ADGRV1: variants seen among roughly 807,000 people sequenced by gnomAD.
ADGRV1 encodes the protein G-protein coupled receptor 98.
Under a neutral mutation model 596.2 loss-of-function variants are expected in ADGRV1, and 359 were observed. The observed-to-expected ratio is 0.60, with a 90% CI of 0.55 to 0.66. The LOEUF (loss-of-function observed/expected upper bound fraction) is 0.66. ADGRV1 is among the 30% of genes least tolerant of loss of function. ADGRV1 has a pLI of 0.00. For missense variants in ADGRV1, 7,274 were observed against 7,575.6 expected (o/e 0.96, Z 1.48); for synonymous variants, 2,681 against 2,679.2 (o/e 1.00, Z -0.02).
At position 90,650,625 on chromosome 5, in the gene ADGRV1, G is replaced by A. The variant is rs935043798; in HGVS notation, c.3290-979G>A. 5.3e-5 allele frequency among the ~76,000 whole-genome samples: 8 copies of A among 152,212 alleles called. No individual in the cohort carries two copies. The South Asian group carries it at 6.2e-4, about 12-fold the overall frequency. ...CAGTTCAGCAATAAATAAATTCTGC[G>A]CACCGGTTACTGAGCATCTATTTTT... is the stretch of plus-strand genomic sequence containing the variant. On this transcript the variant is annotated intron_variant, in intron 17 of 89. Transcript: ENST00000405460.
intron 83 of ADGRV1, among the ~76,000 whole-genome samples, chr5:90,888,162 A>G (rs973868203): frequency 6.6e-6 from 1 of 152,182 alleles, no homozygotes; most frequent in African/African-American, 2.4e-5. Flanking sequence ...TGTGTATGAG[A>G]TCTGTCATGT....
intron 85 of ADGRV1, among the ~76,000 whole-genome samples, chr5:91,035,326 C>T (rs1234603873): frequency 6.6e-6 from 1 of 152,202 alleles, no homozygotes; most frequent in Non-Finnish European, 1.5e-5. Context: ...GGCCCATTCA[C>T]TTACTTCCCA....
intron 77 of ADGRV1, among the ~76,000 whole-genome samples, chr5:90,833,711 T>A (rs1324385411): frequency 6.6e-6 from 1 of 152,216 alleles, no homozygotes; most frequent in African/African-American, 2.4e-5. Flanking sequence ...ACTGTCGGCA[T>A]ATAGAAATGC....
intron 1 of ADGRV1, among the ~76,000 whole-genome samples, chr5:90,591,183 G>C (rs112093743): frequency 0.019 from 2,871 of 152,224 alleles, 81 homozygotes; most frequent in African/African-American, 0.065. Context: ...CTTGAGGCCA[G>C]GAGTTCGAGA....
intron 21 of ADGRV1, among the ~76,000 whole-genome samples, chr5:90,659,893 G>A (rs1769997992): frequency 6.6e-6 from 1 of 152,106 alleles, no homozygotes; most frequent in South Asian, 2.1e-4. Context: ...TTAGCCGGGT[G>A]TGGTGGTGGG....
intron 88 of ADGRV1, among the ~76,000 whole-genome samples, chr5:91,152,768 G>A (rs1796167056): frequency 6.6e-6 from 1 of 152,152 alleles, no homozygotes; most frequent in African/African-American, 2.4e-5. Flanking sequence ...CTGAGCTCAA[G>A]TGAGTCTCCC....
chr5:91,120,004 G>A (rs959414739), intron 87 of ADGRV1, among the ~76,000 whole-genome samples: 1 of 152,314 alleles, frequency 6.6e-6, no homozygotes, highest in South Asian at 2.1e-4. Flanking sequence ...TAGAAAAAGT[G>A]TAGAAAAGGT....
Position 90,754,974 on chromosome 5 carries a change from C to A in ADGRV1, c.11378-9C>A. 6.3e-7 allele frequency: 1 copy of A among 1,596,724 alleles called. No homozygotes were observed. The highest frequency in any genetic ancestry group is 8.6e-7 in the Non-Finnish European group (1 of 1,164,680). On this transcript the variant is annotated splice_polypyrimidine_tract_variant and intron_variant, in intron 54 of 89. Coordinates refer to ENST00000405460, the MANE Select transcript of ADGRV1 (RefSeq NM_032119.4). ...AAGACTATTTACTCGTGGCATGTTT[C>A]TCTCACAGAAAACACCACCACTCTT...
At chr5:90,586,568 C>G (rs75380412) in intron 1 of ADGRV1, among the ~76,000 whole-genome samples, 1 of 152,150 alleles carries the variant, frequency 6.6e-6, no homozygotes, top group Non-Finnish European at 1.5e-5. Context: ...TCACATGTTT[C>G]TTTAGCCCCC....
chr5:90,955,176 T>C lies in ADGRV1; in HGVS notation c.17857-10239T>C, dbSNP rs531566935. ...CTTTGATCTTGGACTTTCCATCCTC[T>C]AGAACCATGATAAATAAACGTTTGT... is the stretch of plus-strand genomic sequence containing the variant. On this transcript the variant is annotated intron_variant, in intron 83 of 89. Transcript: ENST00000405460. Among the ~76,000 whole-genome samples the C allele has an allele frequency of 2.4e-4, 37 of 152,278 alleles. No homozygotes were observed. The South Asian group carries it at 7.3e-3, about 30-fold the overall frequency.
At chr5:90,581,735 C>T (rs915444914) in intron 1 of ADGRV1, among the ~76,000 whole-genome samples, 6 of 152,198 alleles carry the variant, frequency 3.9e-5, no homozygotes, top group African/African-American at 1.4e-4. Flanking sequence ...TGTCCATTCT[C>T]AGAGCTCAAA....
In ADGRV1 at chr5:90,783,972, G is replaced by C. The variant is rs376673439; in HGVS notation, c.13568G>C (p.Ser4523Thr). The C allele has an allele frequency of 5.1e-5, 83 of 1,612,234 alleles. 1 individual carries two copies. The highest frequency in any genetic ancestry group is 1.0e-4 in the Admixed American group (6 of 59,782). Residue 4523 changes from serine to threonine, a missense_variant, in exon 67 of 90, where the codon AGC becomes ACC. Ser to Thr is a moderately conservative substitution (Grantham distance 58). This residue lies in a region of ADGRV1 where 3,643 missense variants were observed against 3,809.2 expected (regional missense o/e 0.96). Coordinates refer to ENST00000405460, the MANE Select transcript of ADGRV1 (RefSeq NM_032119.4). ...PFGVIRFLNQ[S>T]KISIANPNST... ...GGAGTTATAAGGTTTCTCAATCAAA[G>C]CAAAATTTCTATTGCTAATCCCAAT...
intron 87 of ADGRV1, among the ~76,000 whole-genome samples, chr5:91,133,134 T>A (rs1249789898): frequency 6.6e-6 from 1 of 152,084 alleles, no homozygotes; most frequent in East Asian, 1.9e-4. Context: ...TTATTTTAGG[T>A]TTAGGGGTAC....
intron 83 of ADGRV1, among the ~76,000 whole-genome samples, chr5:90,902,793 A>C (rs1381407824): frequency 6.6e-6 from 1 of 152,128 alleles, no homozygotes. Flanking sequence ...ATTTTTCAGA[A>C]GGCAGCTTCT....
chr5:90,951,582 C>T (rs1290495917), intron 83 of ADGRV1, among the ~76,000 whole-genome samples: 1 of 152,078 alleles, frequency 6.6e-6, no homozygotes, highest in Non-Finnish European at 1.5e-5. Context: ...CAGTAATTGA[C>T]ATGTACTATA....
chr5:90,609,627 A>C (rs114211319), intron 1 of ADGRV1, among the ~76,000 whole-genome samples: 5,189 of 152,088 alleles, frequency 0.034, 145 homozygotes, highest in Middle Eastern at 0.075. Flanking sequence ...CCACAGGAGT[A>C]ATTCTATAGT....
At chr5:90,686,975 G>T (rs1355940934) in intron 29 of ADGRV1, among the ~76,000 whole-genome samples, 1 of 152,260 alleles carries the variant, frequency 6.6e-6, no homozygotes, top group African/African-American at 2.4e-5. Context: ...GTGATGATGA[G>T]CATTTCTTCA....
chr5:90,960,045 A>G (rs969364896), intron 83 of ADGRV1, among the ~76,000 whole-genome samples: 13 of 151,326 alleles, frequency 8.6e-5, no homozygotes, highest in African/African-American at 2.9e-4. Context: ...AGGCTGAGGC[A>G]GGAGAATGGC....
intron 48 of ADGRV1, among the ~76,000 whole-genome samples, chr5:90,726,514 C>T (rs1280431795): frequency 6.6e-6 from 1 of 152,188 alleles, no homozygotes; most frequent in Non-Finnish European, 1.5e-5. Context: ...AACTGCATTA[C>T]CAGATCCAGT....
Sources: allele counts gnomAD v4.1 joint callset (sites outside exome capture counted in the v4.1 genomes callset), GRCh38; gene constraint gnomAD v4.1.1; regional missense constraint gnomAD v4.1.1; transcripts MANE v1.5; gene names NCBI Gene and HGNC (gene_info 2026-07-23, HGNC 2026-07-21).